The following STON2 variants were observed in gnomAD, a reference collection of about 807,000 sequenced individuals.
The protein encoded by STON2 is stonin-2.
Under a neutral mutation model 65.7 loss-of-function variants are expected in STON2, and 29 were observed. That is an observed-to-expected ratio of 0.44 (90% CI 0.33 to 0.60). The LOEUF is 0.60. Ranked by LOEUF, STON2 falls within the 20% of genes least tolerant of loss-of-function variation. STON2 has a pLI of 0.03. For missense variants in STON2, 1,054 were observed against 1,118.1 expected (o/e 0.94, Z 0.82); for synonymous variants, 404 against 414.2 (o/e 0.98, Z 0.30).
At chr14:81,354,909 C>T (rs1315052422) in intron 4 of STON2, among the ~76,000 whole-genome samples, 1 of 151,694 alleles carries the variant, frequency 6.6e-6, no homozygotes, top group African/African-American at 2.4e-5. Context: ...CCCAGCTACT[C>T]GGAAGGCTGA....
At chr14:81,291,901 A>G (rs1566892611) in intron 5 of STON2, among the ~76,000 whole-genome samples, 1 of 147,368 alleles carries the variant, frequency 6.8e-6, no homozygotes, top group Non-Finnish European at 1.5e-5. Context: ...ACACACACAC[A>G]CGGATATCAC....
intron 7 of STON2, chr14:81,269,939 T>C (rs1020568088): frequency 1.0e-6 from 1 of 985,466 alleles, no homozygotes; most frequent in Non-Finnish European, 1.2e-6. Context: ...ACCCAGGTCA[T>C]GTGTGTCCTA....
chr14:81,299,544 T>C (rs1475303042), intron 5 of STON2, among the ~76,000 whole-genome samples: 2 of 152,352 alleles, frequency 1.3e-5, no homozygotes, highest in South Asian at 4.1e-4. Flanking sequence ...GGCTAACTTA[T>C]GAGCATTTTG....
intron 3 of STON2, among the ~76,000 whole-genome samples, chr14:81,393,133 C>T (rs1900157184): frequency 6.6e-6 from 1 of 152,078 alleles, no homozygotes; most frequent in Non-Finnish European, 1.5e-5. Context: ...CAGATGGGGG[C>T]AACATAATTA....
chr14:81,305,399 A>G (rs956479545), intron 5 of STON2, among the ~76,000 whole-genome samples: 1 of 152,214 alleles, frequency 6.6e-6, no homozygotes, highest in Non-Finnish European at 1.5e-5. Flanking sequence ...CATTTGAGCT[A>G]TGACGGTGGG....
chr14:81,387,048 C>A (rs1899842882), intron 3 of STON2, among the ~76,000 whole-genome samples: 1 of 152,222 alleles, frequency 6.6e-6, no homozygotes, highest in Middle Eastern at 3.4e-3. Context: ...GTCAGGAACA[C>A]TATTGGCTAA....
In STON2 at chr14:81,262,143, C is replaced by T. The variant is rs78864925; in HGVS notation, c.*6271G>A. 1.8e-4 allele frequency: 173 copies of T among 985,248 alleles called. No individual in the cohort carries two copies. In the African/African-American group the frequency reaches 2.8e-3, roughly 16 times the overall value. The allele number at this position is 985,248 out of a possible 1,614,324, so 61.0% of individuals were successfully genotyped here. A position where few individuals can be genotyped will look rare whatever the true frequency, so the allele number is the denominator to read the frequency against. ...TTGAAGAAACAATTAATCCAACTTCCTCACTTTTTTGTCTCAGGAAACTGA... is the reference window on the plus strand; with the variant it reads ...TTGAAGAAACAATTAATCCAACTTCTTCACTTTTTTGTCTCAGGAAACTGA... On this transcript the variant is annotated 3_prime_UTR_variant, in exon 8 of 8. Coordinates refer to ENST00000614646, the MANE Select transcript of STON2 (RefSeq NM_001394390.1).
intron 4 of STON2, among the ~76,000 whole-genome samples, chr14:81,367,941 A>G (rs977940831): frequency 3.3e-5 from 5 of 152,228 alleles, no homozygotes; most frequent in Admixed American, 1.3e-4. Context: ...ATGTCCAGAC[A>G]TTTGTTTATA....
chr14:81,300,438 G>T (rs1177055772), intron 5 of STON2, among the ~76,000 whole-genome samples: 1 of 152,046 alleles, frequency 6.6e-6, no homozygotes, highest in East Asian at 1.9e-4. Context: ...TAAATAAATT[G>T]TACTTCATCA....
intron 4 of STON2, among the ~76,000 whole-genome samples, chr14:81,342,190 C>A (rs114067329): frequency 0.013 from 1,986 of 151,986 alleles, 42 homozygotes; most frequent in African/African-American, 0.045. Context: ...GCCCGGGTGC[C>A]ATGGTGAGAT....
chr14:81,387,665 GATCACCCAC>G (rs1899879179), intron 3 of STON2, among the ~76,000 whole-genome samples: 1 of 151,716 alleles, frequency 6.6e-6, no homozygotes, highest in Non-Finnish European at 1.5e-5. Context: ...GAGGTGGGTG[GATCACCCAC>G]CAGAGGTCAG....
intron 1 of STON2, among the ~76,000 whole-genome samples, chr14:81,435,333 C>T (rs1165970531): frequency 6.6e-6 from 1 of 152,082 alleles, no homozygotes; most frequent in African/African-American, 2.4e-5. Context: ...TTGGACACGT[C>T]TGATTTACTC....
intron 2 of STON2, among the ~76,000 whole-genome samples, chr14:81,407,158 T>C (rs1900909767): frequency 6.6e-6 from 1 of 152,162 alleles, no homozygotes; most frequent in Admixed American, 6.5e-5. Context: ...TTTGTGGTTG[T>C]TCGCTGCAGA....
intron 5 of STON2, among the ~76,000 whole-genome samples, chr14:81,291,928 G>C (rs1030164314): frequency 6.6e-6 from 1 of 151,148 alleles, no homozygotes; most frequent in Non-Finnish European, 1.5e-5. Flanking sequence ...CCTATCCTTT[G>C]TAAGAGTAGG....
At chr14:81,393,045 CTG>C (rs889997245) in intron 3 of STON2, among the ~76,000 whole-genome samples, 2 of 152,182 alleles carry the variant, frequency 1.3e-5, no homozygotes, top group African/African-American at 2.4e-5. Context: ...ATGGGCCAGA[CTG>C]TGAATTGCTG....
chr14:81,351,968 A>G (rs1898040606), intron 4 of STON2, among the ~76,000 whole-genome samples: 1 of 152,252 alleles, frequency 6.6e-6, no homozygotes. Context: ...CCTAAAGCCT[A>G]GGACGCCTTC....
chr14:81,298,166 G>C (rs1420270566), intron 5 of STON2, among the ~76,000 whole-genome samples: 1 of 152,176 alleles, frequency 6.6e-6, no homozygotes, highest in African/African-American at 2.4e-5. Context: ...AGCTCCTTGT[G>C]GGGGCTCTAT....
At chr14:81,380,552 C>T (rs781768202) in intron 3 of STON2, among the ~76,000 whole-genome samples, 12 of 152,162 alleles carry the variant, frequency 7.9e-5, no homozygotes, top group Admixed American at 5.2e-4. Context: ...ATTCACAATA[C>T]CAAAGATGTA....
chr14:81,264,710 A>T lies in STON2; in HGVS notation c.*3704T>A, dbSNP rs1219813480. ...TCAAGGATTATGAACCCTGCCAATA[A>T]TGCAGGAAGGCACAGTAAGGGAAGA... On this transcript the variant is annotated 3_prime_UTR_variant, in exon 8 of 8. Transcript: ENST00000614646. The T allele has an allele frequency of 1.0e-6, 1 of 985,286 alleles. No homozygotes were observed. Among genetic ancestry groups the T allele is most frequent in the East Asian group, 1.1e-4 (1 of 8,832 alleles). 61.0% of individuals were successfully genotyped at this position (985,286 alleles called of 1,614,324 possible). A position where few individuals can be genotyped will look rare whatever the true frequency, so the allele number is the denominator to read the frequency against.
Sources: gnomAD v4.1 joint callset for allele counts (sites outside exome capture counted in the v4.1 genomes callset) on GRCh38, gnomAD v4.1.1 for gene constraint, MANE v1.5 for transcripts, NCBI Gene and HGNC (gene_info 2026-07-23, HGNC 2026-07-21) for gene names.